STIL: variants seen among roughly 807,000 people sequenced by gnomAD.
STIL encodes the protein SCL-interrupting locus protein.
STIL carries 55 observed loss-of-function variants against 110.1 expected under a neutral mutation model. That is an observed-to-expected ratio of 0.50 (90% CI 0.40 to 0.63). The LOEUF (loss-of-function observed/expected upper bound fraction) is 0.63. STIL is among the 20% of genes least tolerant of loss of function. The pLI is 0.00. For synonymous variants in STIL, 481 were observed against 530.0 expected (o/e 0.91, Z 1.27); for missense variants, 1,358 against 1,530.0 (o/e 0.89, Z 1.87).
chr1:47,262,370 T>A (rs1250098200), intron 15 of STIL, among the ~76,000 whole-genome samples: 3 of 152,224 alleles, frequency 2.0e-5, no homozygotes, highest in Admixed American at 2.0e-4. Context: ...TTCTGTGTTC[T>A]CTTTGCTTTA....
chr1:47,266,989 G>A (rs1644672719), intron 14 of STIL, among the ~76,000 whole-genome samples: 1 of 152,128 alleles, frequency 6.6e-6, no homozygotes, highest in African/African-American at 2.4e-5. Context: ...ACTATGTCCA[G>A]CCACACTGGC....
intron 6 of STIL, 171 bp downstream of exon 6, chr1:47,299,734 A>C: frequency 1.3e-6 from 1 of 775,428 alleles, no homozygotes; most frequent in South Asian, 1.8e-5. Flanking sequence ...ACTTAAAGAA[A>C]ATTTCATATT....
chr1:47,299,717 T>C lies in STIL; in HGVS notation c.701+188A>G, dbSNP rs17418545. ...CCTACCACCAATTTTTTGTAGGTGG[T>C]GGCACAACTTAAAGAAAATTTCATA... On this transcript the variant is annotated intron_variant, in intron 6 of 16. Coordinates refer to ENST00000371877, the MANE Select transcript of STIL (RefSeq NM_001048166.1). The C allele has an allele frequency of 0.099, 62,772 of 635,394 alleles. 4,240 individuals carry two copies. The highest frequency in any genetic ancestry group is 0.27 in the Admixed American group (9,062 of 33,230). 39.4% of individuals were successfully genotyped at this position (635,394 alleles called of 1,614,324 possible).
chr1:47,310,358 G>C lies in STIL; in HGVS notation c.-39C>G. 6.4e-7 allele frequency: 1 copy of C among 1,572,710 alleles called. No homozygotes were observed. The highest frequency in any genetic ancestry group is 1.3e-5 in the African/African-American group (1 of 74,080). On this transcript the variant is annotated 5_prime_UTR_variant, in exon 2 of 17. Coordinates refer to ENST00000371877, the MANE Select transcript of STIL (RefSeq NM_001048166.1). The stretch of plus-strand genomic sequence containing the variant: ...TGATTTCTTTAATTCCAAATCCTCA[G>C]TATCCTAAAGAATTAAAGAGAATAT...
Position 47,310,298 on chromosome 1 carries a change from C to T in STIL, c.22G>A (p.Ala8Thr). 6.2e-7 allele frequency: 1 copy of T among 1,613,030 alleles called. No homozygotes were observed. Among genetic ancestry groups the T allele is most frequent in the East Asian group, 2.2e-5 (1 of 44,804 alleles). Residue 8 changes from alanine (A) to threonine (T), a missense_variant, in exon 2 of 17, where the codon GCA becomes ACA. Coordinates refer to ENST00000371877, the MANE Select transcript of STIL (RefSeq NM_001048166.1). ...TACCTGGTATTCATCTGGGGCCGTGCAAAAGGATATATAGGCTCCATGATG... is the reference window on the plus strand; with the variant it reads ...TACCTGGTATTCATCTGGGGCCGTGTAAAAGGATATATAGGCTCCATGATG... MEPIYPF[A>T]RPQMNTRFPS...
chr1:47,280,479 C>A lies in STIL; in HGVS notation c.1979G>T (p.Ser660Ile). Residue 660 changes from serine (S) to isoleucine (I), a missense_variant, in exon 12 of 17, where the codon AGT (serine) becomes ATT (isoleucine). Coordinates refer to ENST00000371877, the MANE Select transcript of STIL (RefSeq NM_001048166.1). ...ALYCNAFCSSSSPIALRPQGD... is the reference protein window; with the variant it reads ...ALYCNAFCSSISPIALRPQGD... ...CTGAGGTCTCAAGGCTATAGGACTA[C>A]TTGAAGAACAGAATGCATTACAGTA... is the stretch of plus-strand genomic sequence containing the variant. 6.2e-7 allele frequency: 1 copy of A among 1,614,232 alleles called. No individual in the cohort carries two copies. The highest frequency in any genetic ancestry group is 8.5e-7 in the Non-Finnish European group (1 of 1,180,032).
intron 16 of STIL, among the ~76,000 whole-genome samples, chr1:47,256,821 C>T (rs947038744): frequency 1.3e-4 from 19 of 151,964 alleles, no homozygotes; most frequent in African/African-American, 4.6e-4. Flanking sequence ...ATGGAGAAAC[C>T]CTGTCTCTAC....
At chr1:47,310,225 C>A (rs1570307619) in intron 2 of STIL, 51 bp downstream of exon 2, 2 of 1,565,648 alleles carry the variant, frequency 1.3e-6, no homozygotes, top group African/African-American at 2.7e-5. Flanking sequence ...CCTACCTTCC[C>A]AAGTTATGTG....
At chr1:47,265,251 A>C (rs1209840725) in intron 14 of STIL, among the ~76,000 whole-genome samples, 1 of 148,162 alleles carries the variant, frequency 6.7e-6, no homozygotes, top group Non-Finnish European at 1.5e-5. Flanking sequence ...AAAAAAAAAA[A>C]AAAAAAAAAC....
chr1:47,285,561 G>C (rs1156335417), intron 10 of STIL, among the ~76,000 whole-genome samples: 1 of 152,124 alleles, frequency 6.6e-6, no homozygotes, highest in Non-Finnish European at 1.5e-5. Flanking sequence ...GGGTTCAAGT[G>C]ATTCTCTTGC....
At chr1:47,295,208 A>G (rs776432623) in intron 7 of STIL, among the ~76,000 whole-genome samples, 28 of 152,206 alleles carry the variant, frequency 1.8e-4, no homozygotes, top group Non-Finnish European at 3.4e-4. Flanking sequence ...AAGTGCTGGG[A>G]TTACAGGCGT....
chr1:47,299,949 G>A lies in STIL; in HGVS notation c.657C>T (p.Ser219=). Residue 219 remains serine, a synonymous_variant, in exon 6 of 17, where the codon AGC becomes AGT. Transcript: ENST00000371877. ...GAACTTGAGAAATATTCAGATTACT[G>A]CTCAAGTTTCTTGCCAGAGCTGTTG... ...IIPTALARNL[S]SNLNISQVQG... The A allele has an allele frequency of 1.2e-6, 2 of 1,613,920 alleles. No homozygotes were observed. Among genetic ancestry groups the A allele is most frequent in the Non-Finnish European group, 1.7e-6 (2 of 1,179,926 alleles).
chr1:47,307,639 A>G (rs1646000259), intron 2 of STIL, among the ~76,000 whole-genome samples: 1 of 152,210 alleles, frequency 6.6e-6, no homozygotes, highest in Non-Finnish European at 1.5e-5. Context: ...TGTGTGTTTG[A>G]GCAATATGAA....
chr1:47,265,252 A>AAAAAAAAAAAAC (rs1553170570), intron 14 of STIL, among the ~76,000 whole-genome samples: 1 of 150,486 alleles, frequency 6.6e-6, no homozygotes, highest in African/African-American at 2.4e-5. Context: ...AAAAAAAAAA[A>AAAAAAAAAAAAC]AAAAAAAACA....
chr1:47,252,384 A>G (rs1644209537), intron 16 of STIL, among the ~76,000 whole-genome samples: 1 of 152,204 alleles, frequency 6.6e-6, no homozygotes, highest in African/African-American at 2.4e-5. Context: ...CCTGTCTCTT[A>G]AAAAAGAAAA....
chr1:47,259,229 G>T (rs1644411167), intron 16 of STIL, among the ~76,000 whole-genome samples: 1 of 146,218 alleles, frequency 6.8e-6, no homozygotes, highest in Non-Finnish European at 1.5e-5. Flanking sequence ...CTCGTGATCC[G>T]CCCACCTCGG....
intron 16 of STIL, among the ~76,000 whole-genome samples, chr1:47,256,185 GAC>G (rs533462383): frequency 6.3e-4 from 96 of 152,202 alleles, no homozygotes; most frequent in Middle Eastern, 3.4e-3. Context: ...TATAAATACT[GAC>G]AGTAAATACT....
intron 3 of STIL, among the ~76,000 whole-genome samples, chr1:47,303,362 C>T (rs552551416): frequency 8.6e-5 from 13 of 151,478 alleles, no homozygotes; most frequent in African/African-American, 2.4e-4. Flanking sequence ...GTCAGGAGTT[C>T]GTGACCAGCC....
intron 12 of STIL, among the ~76,000 whole-genome samples, chr1:47,277,746 C>A (rs1316694589): frequency 6.6e-6 from 1 of 151,698 alleles, no homozygotes; most frequent in Admixed American, 6.6e-5. Flanking sequence ...ATATACTGAG[C>A]ACTAACTATA....
Sources: gnomAD v4.1 joint callset for allele counts (sites outside exome capture counted in the v4.1 genomes callset) on GRCh38, gnomAD v4.1.1 for gene constraint, MANE v1.5 for transcripts, NCBI Gene and HGNC (gene_info 2026-07-23, HGNC 2026-07-21) for gene names.